Variants in LMNTD1 observed in about 807,000 individuals in gnomAD.
The protein encoded by LMNTD1 is lamin tail domain containing 1, also known as lamin tail domain-containing protein 1.
In LMNTD1, 35 loss-of-function variants were observed where a neutral mutation model predicts 50.9. The observed-to-expected ratio is 0.69, with a 90% CI of 0.53 to 0.91. The LOEUF (loss-of-function observed/expected upper bound fraction) is 0.91, where lower values mean the gene tolerates loss of function less well. LMNTD1 is among the 40% of genes least tolerant of loss of function. The probability of loss-of-function intolerance (pLI) is 0.00; values close to 1 mark genes in which losing one functional copy is unlikely to be tolerated. For missense variants in LMNTD1, 470 were observed against 475.5 expected, an observed-to-expected ratio of 0.99 and a Z score of 0.11; for synonymous variants, 153 against 161.9, an observed-to-expected ratio of 0.94 and a Z score of 0.42.
intron 1 of LMNTD1, among the ~76,000 whole-genome samples, chr12:25,572,031 G>T (rs541159344): frequency 2.0e-5 from 3 of 152,154 alleles, no homozygotes; most frequent in Non-Finnish European, 2.9e-5. Flanking sequence ...GGAGACCAGA[G>T]GTTCCTCCCC....
intron 4 of LMNTD1, among the ~76,000 whole-genome samples, chr12:25,538,330 C>G (rs1398273658): frequency 6.6e-6 from 1 of 150,600 alleles, no homozygotes; most frequent in Non-Finnish European, 1.5e-5. Flanking sequence ...AGAGAAAGGT[C>G]GGGTTACCCT....
Position 25,563,849 on chromosome 12 carries a change from C to T in LMNTD1, c.59-17295G>A, listed in dbSNP as rs371589865. Among the ~76,000 whole-genome samples the T allele has an allele frequency of 3.4e-4, 52 of 152,284 alleles. No homozygotes were observed. In the East Asian group the frequency reaches 4.6e-3, roughly 14 times the overall value. On this transcript the variant is annotated intron_variant, in intron 1 of 7. Coordinates refer to the LMNTD1 transcript ENST00000445693. ...CTACTCAAGCCTCAGCAATGGTGGG[C>T]GCCCCTCCCCCAGCCTCGCTGCCAC...
rs1394594290 is a variant in LMNTD1, at chr12:25,520,139, G to GATATAGATATATAT, written c.799-65_799-64insATATATATCTATAT. 7 of 149,948 alleles carry GATATAGATATATAT rather than the reference G, an allele frequency of 4.7e-5. No homozygotes were observed. The East Asian group carries it at 1.1e-3, about 24-fold the overall frequency. 9.3% of individuals were successfully genotyped at this position (149,948 alleles called of 1,614,324 possible). ...TGAGGTTTACAACATGCTGTTATGA[G>GATATAGATATATAT]ATATACATATATATATATATATATA... On this transcript the variant is annotated intron_variant, in intron 6 of 9. Coordinates refer to ENST00000458174, the MANE Select transcript of LMNTD1 (RefSeq NM_001145728.2).
At chr12:25,567,372 C>G (rs527981658) in intron 1 of LMNTD1, among the ~76,000 whole-genome samples, 1 of 152,288 alleles carries the variant, frequency 6.6e-6, no homozygotes, top group East Asian at 1.9e-4. Flanking sequence ...GTCAGCCATA[C>G]TCAATAGTGA....
chr12:25,628,107 CAAAAAAAAAAA>C (rs58780549), intron 1 of LMNTD1, among the ~76,000 whole-genome samples: 1 of 52,466 alleles, frequency 1.9e-5, no homozygotes, highest in East Asian at 6.7e-4. Context: ...AACTCCGTCT[CAAAAAAAAAAA>C]AAAAAAAAAA....
At chr12:25,615,544 C>A (rs887528824) in intron 1 of LMNTD1, among the ~76,000 whole-genome samples, 1 of 152,008 alleles carries the variant, frequency 6.6e-6, no homozygotes, top group Non-Finnish European at 1.5e-5. Context: ...TCACTGCAAC[C>A]TTTGCCTTCC....
At chr12:25,481,020 C>A (rs1019104168) in intron 9 of LMNTD1, among the ~76,000 whole-genome samples, 1 of 152,192 alleles carries the variant, frequency 6.6e-6, no homozygotes, top group African/African-American at 2.4e-5. Context: ...ACTCTCCTCC[C>A]ATACTCACTG....
At chr12:25,623,379 A>G (rs987580703) in intron 1 of LMNTD1, among the ~76,000 whole-genome samples, 21 of 151,662 alleles carry the variant, frequency 1.4e-4, no homozygotes, top group African/African-American at 4.6e-4. Flanking sequence ...GTAAAACCCC[A>G]TCACTACTAA....
intron 9 of LMNTD1, among the ~76,000 whole-genome samples, chr12:25,497,108 CG>C (rs1939104226): frequency 6.6e-6 from 1 of 151,984 alleles, no homozygotes; most frequent in African/African-American, 2.4e-5. Flanking sequence ...ATTCATCTGT[CG>C]ATGAACACGT....
At chr12:25,614,073 A>T (rs1422143759) in intron 1 of LMNTD1, among the ~76,000 whole-genome samples, 3 of 139,238 alleles carry the variant, frequency 2.2e-5, no homozygotes, top group Non-Finnish European at 4.9e-5. Context: ...GCTGGTGGGT[A>T]AAAAAAAAAA....
chr12:25,519,100 C>A, intron 7 of LMNTD1, 133 bp from the exon 8 acceptor site: 1 of 760,636 alleles, frequency 1.3e-6, no homozygotes, highest in Non-Finnish European at 2.1e-6. Context: ...GTGGGCAGAA[C>A]TTTTATTATA....
intron 1 of LMNTD1, among the ~76,000 whole-genome samples, chr12:25,642,725 C>G (rs531432015): frequency 6.6e-6 from 1 of 152,270 alleles, no homozygotes; most frequent in East Asian, 1.9e-4. Flanking sequence ...AATCTTCTTT[C>G]TCCTCATCTC....
intron 1 of LMNTD1, among the ~76,000 whole-genome samples, chr12:25,606,579 A>G (rs1592097740): frequency 6.6e-6 from 1 of 152,266 alleles, no homozygotes; most frequent in East Asian, 1.9e-4. Flanking sequence ...TTCTGCATCT[A>G]TTGAGATAAT....
intron 1 of LMNTD1, among the ~76,000 whole-genome samples, chr12:25,561,924 T>C (rs1944346344): frequency 6.6e-6 from 1 of 152,164 alleles, no homozygotes; most frequent in Admixed American, 6.5e-5. Flanking sequence ...CTTCGTTGGT[T>C]TAAAGTCTGT....
At chr12:25,588,156 A>T (rs1016732158) in intron 1 of LMNTD1, among the ~76,000 whole-genome samples, 1 of 152,228 alleles carries the variant, frequency 6.6e-6, no homozygotes, top group Non-Finnish European at 1.5e-5. Context: ...ATTATACTAA[A>T]TGGAAAATGT....
chr12:25,567,946 G>T (rs899647279), intron 1 of LMNTD1, among the ~76,000 whole-genome samples: 1 of 152,102 alleles, frequency 6.6e-6, no homozygotes, highest in East Asian at 1.9e-4. Flanking sequence ...AAAGATACCT[G>T]AAAACGTAGA....
At position 25,549,371 on chromosome 12, in the gene LMNTD1, A is replaced by G. The variant is rs766514233; in HGVS notation, c.265T>C (p.Ser89Pro). The change falls in exon 3 of 10, where the codon TCT becomes CCT. Residue 89 changes from serine to proline, a missense_variant. Transcript: ENST00000458174. ...VTISTTGQLT[S>P]KATVGSCSRV... Reference sequence around the variant, plus strand: ...GAACAGCTACCTACAGTAGCTTTAGAAGTCAATTGTCCAGTTGTTGATATA... The same window carrying G: ...GAACAGCTACCTACAGTAGCTTTAGGAGTCAATTGTCCAGTTGTTGATATA... 1 of 1,612,696 alleles carries G rather than the reference A, an allele frequency of 6.2e-7. No individual in the cohort carries two copies. The highest frequency in any genetic ancestry group is 1.1e-5 in the South Asian group (1 of 90,936).
chr12:25,492,259 C>T (rs1220679270), intron 9 of LMNTD1, among the ~76,000 whole-genome samples: 1 of 152,178 alleles, frequency 6.6e-6, no homozygotes, highest in African/African-American at 2.4e-5. Flanking sequence ...ATAATTCAAG[C>T]CAACTTTTCA....
At chr12:25,597,806 A>G (rs1945874432) in intron 1 of LMNTD1, among the ~76,000 whole-genome samples, 1 of 152,220 alleles carries the variant, frequency 6.6e-6, no homozygotes, top group Non-Finnish European at 1.5e-5. Flanking sequence ...ATCTTCTCTG[A>G]TCACAATGGA....
Sources: gnomAD v4.1 joint callset for allele counts (sites outside exome capture counted in the v4.1 genomes callset) on GRCh38, gnomAD v4.1.1 for gene constraint, MANE v1.5 for transcripts, NCBI Gene and HGNC (gene_info 2026-07-23, HGNC 2026-07-21) for gene names.